The following DYNC2H1 variants were observed in gnomAD, a reference collection of about 807,000 sequenced individuals.
The protein encoded by DYNC2H1 is dynein cytoplasmic 2 heavy chain 1.
Under a neutral mutation model 570.0 loss-of-function variants are expected in DYNC2H1, and 410 were observed. That is an observed-to-expected ratio of 0.72 (90% CI 0.66 to 0.78). DYNC2H1 has a LOEUF of 0.78. Among genes scored for constraint, DYNC2H1 ranks in the 30% least tolerant of loss-of-function variants. The pLI is 0.00. For missense variants in DYNC2H1, 4,865 were observed against 5,046.4 expected, an observed-to-expected ratio of 0.96 and a Z score of 1.09; for synonymous variants, 1,688 against 1,677.6, an observed-to-expected ratio of 1.01 and a Z score of -0.15.
chr11:103,159,611 G>A (rs1227995547), intron 28 of DYNC2H1, among the ~76,000 whole-genome samples: 1 of 151,994 alleles, frequency 6.6e-6, no homozygotes, highest in African/African-American at 2.4e-5. Context: ...ACTTTAATGG[G>A]ATACTTATTA....
chr11:103,365,882 G>A (rs939458896), intron 83 of DYNC2H1, among the ~76,000 whole-genome samples: 2 of 152,220 alleles, frequency 1.3e-5, no homozygotes, highest in African/African-American at 2.4e-5. Flanking sequence ...TCATGAACTA[G>A]TTCGATCATC....
In DYNC2H1 at chr11:103,395,206, A is replaced by G. The variant is rs568884505; in HGVS notation, c.12157-4457A>G. ...GCAAGTAATTGGAAAACTCAGCTCA[A>G]ACTGACTTATGTGAAAAATGGAAAT... On this transcript the variant is annotated intron_variant, in intron 83 of 88. Coordinates refer to ENST00000375735, the MANE Select transcript of DYNC2H1 (RefSeq NM_001377.3). This position sits in a 1 kb window ranked among gnomAD's most constrained non-coding sequence, Gnocchi z 4.3. Among the ~76,000 whole-genome samples, 2 of 152,258 alleles carry G rather than the reference A, an allele frequency of 1.3e-5. No homozygotes were observed. Among genetic ancestry groups the G allele is most frequent in the South Asian group, 2.1e-4 (1 of 4,826 alleles).
intron 13 of DYNC2H1, among the ~76,000 whole-genome samples, chr11:103,131,733 G>A (rs1262952678): frequency 6.6e-6 from 1 of 151,188 alleles, no homozygotes. Context: ...TTTTTTTTTA[G>A]CACTTTAAAC....
At position 103,455,180 on chromosome 11, in the gene DYNC2H1, C is replaced by G. The variant is rs11225812; in HGVS notation, c.12457-6C>G. The G allele has an allele frequency of 9.9e-6, 16 of 1,609,344 alleles. No homozygotes were observed. The highest frequency in any genetic ancestry group is 1.2e-5 in the Non-Finnish European group (14 of 1,176,152). On this transcript the variant is annotated splice_polypyrimidine_tract_variant and splice_region_variant and intron_variant, in intron 85 of 88. Coordinates refer to ENST00000375735, the MANE Select transcript of DYNC2H1 (RefSeq NM_001377.3). ...TATTTATATGTTCATATTTCCCCCCCTCTAGAACTGGGTAGATAAAGCTGA... is the reference window on the plus strand; with the variant it reads ...TATTTATATGTTCATATTTCCCCCCGTCTAGAACTGGGTAGATAAAGCTGA...
chr11:103,197,193 A>G (rs941515742), intron 47 of DYNC2H1, among the ~76,000 whole-genome samples: 2 of 151,734 alleles, frequency 1.3e-5, no homozygotes, highest in South Asian at 2.1e-4. Context: ...TTTCTCAAGG[A>G]GAGTTTTGAG....
Position 103,211,963 on chromosome 11 carries a change from G to T in DYNC2H1, c.8694+20G>T, listed in dbSNP as rs1304336151. On this transcript the variant is annotated intron_variant, in intron 54 of 88. Coordinates refer to ENST00000375735, the MANE Select transcript of DYNC2H1 (RefSeq NM_001377.3). ...TTGCAGGTATAGTATTGGTAATCTTGAATTATTTTATCTATATATAGGAAA... is the reference window on the plus strand; with the variant it reads ...TTGCAGGTATAGTATTGGTAATCTTTAATTATTTTATCTATATATAGGAAA... 14 of 1,491,516 alleles carry T rather than the reference G, an allele frequency of 9.4e-6. No individual in the cohort carries two copies. The highest frequency in any genetic ancestry group is 1.4e-5 in the South Asian group (1 of 72,174). 92.4% of individuals were successfully genotyped at this position (1,491,516 alleles called of 1,614,324 possible).
chr11:103,119,161 A>G (rs1317265897), intron 6 of DYNC2H1, among the ~76,000 whole-genome samples: 1 of 152,186 alleles, frequency 6.6e-6, no homozygotes, highest in East Asian at 1.9e-4. Flanking sequence ...AGTAAGTTCC[A>G]TTGGCAACCA....
At chr11:103,470,489 G>A (rs1208836777) in intron 88 of DYNC2H1, among the ~76,000 whole-genome samples, 1 of 152,164 alleles carries the variant, frequency 6.6e-6, no homozygotes, top group Non-Finnish European at 1.5e-5. Flanking sequence ...TGTTACGTAT[G>A]TATACATGTG....
intron 87 of DYNC2H1, among the ~76,000 whole-genome samples, chr11:103,466,051 A>G (rs1011659488): frequency 1.9e-4 from 29 of 152,132 alleles, no homozygotes; most frequent in Admixed American, 6.5e-5. Context: ...TTATTAAGCA[A>G]TGGCAGTTGA....
At chr11:103,273,612 T>C (rs1208594512) in intron 70 of DYNC2H1, among the ~76,000 whole-genome samples, 1 of 152,232 alleles carries the variant, frequency 6.6e-6, no homozygotes, top group Non-Finnish European at 1.5e-5. Context: ...CTTGAATCAT[T>C]ATTGTTCTGC....
At chr11:103,350,688 G>T (rs1940004942) in intron 82 of DYNC2H1, among the ~76,000 whole-genome samples, 1 of 152,102 alleles carries the variant, frequency 6.6e-6, no homozygotes, top group African/African-American at 2.4e-5. Context: ...TCAATTTCTG[G>T]TGAGGCTGCT....
intron 70 of DYNC2H1, among the ~76,000 whole-genome samples, chr11:103,272,885 A>G (rs1349890034): frequency 6.6e-6 from 1 of 152,122 alleles, no homozygotes; most frequent in Non-Finnish European, 1.5e-5. Context: ...TTAGAGAGTT[A>G]TTCACTTGAG....
At chr11:103,197,181 C>A (rs1862536381) in intron 47 of DYNC2H1, among the ~76,000 whole-genome samples, 1 of 151,354 alleles carries the variant, frequency 6.6e-6, no homozygotes, top group South Asian at 2.1e-4. Context: ...ACATCTATGT[C>A]CTTTCTCAAG....
In DYNC2H1 at chr11:103,369,433, G is replaced by C. The variant is rs1941053572; in HGVS notation, c.12156+11074G>C. On this transcript the variant is annotated intron_variant, in intron 83 of 88. Transcript: ENST00000375735. The surrounding 1 kb of genome is among the most constrained non-coding windows in gnomAD (Gnocchi z 4.0). ...GAGTAATGCTGCTGAACTAGGCCCA[G>C]AGACAGTGAACTGGAAGGGACACGT... Among the ~76,000 whole-genome samples, 1 of 152,146 alleles carries C rather than the reference G, an allele frequency of 6.6e-6. No individual in the cohort carries two copies. Among genetic ancestry groups the C allele is most frequent in the South Asian group, 2.1e-4 (1 of 4,820 alleles).
chr11:103,187,605 A>C lies in DYNC2H1; in HGVS notation c.7140+19A>C, dbSNP rs761658806. ...ACAACAGGTAAGTCATATTGCTTGAAGTGTTTTAATCTAATTGGAAACAAT... is the reference window on the plus strand; with the variant it reads ...ACAACAGGTAAGTCATATTGCTTGACGTGTTTTAATCTAATTGGAAACAAT... On this transcript the variant is annotated intron_variant, in intron 43 of 88. Transcript: ENST00000375735. 8.1e-6 allele frequency: 13 copies of C among 1,608,832 alleles called. No homozygotes were observed. Among genetic ancestry groups the C allele is most frequent in the Middle Eastern group, 1.7e-4 (1 of 5,930 alleles).
At chr11:103,315,254 T>C (rs1042741017) in intron 79 of DYNC2H1, among the ~76,000 whole-genome samples, 3 of 152,092 alleles carry the variant, frequency 2.0e-5, no homozygotes, top group African/African-American at 7.2e-5. Context: ...AGCACTAGAA[T>C]TTAAGCTTCC....
chr11:103,197,434 C>G (rs1269173920), intron 47 of DYNC2H1, among the ~76,000 whole-genome samples: 2 of 151,792 alleles, frequency 1.3e-5, no homozygotes, highest in East Asian at 3.9e-4. Context: ...AATTGAAGGT[C>G]TTTGTATTTC....
intron 17 of DYNC2H1, among the ~76,000 whole-genome samples, chr11:103,140,649 A>G (rs1387656749): frequency 6.6e-6 from 1 of 151,528 alleles, no homozygotes; most frequent in African/African-American, 2.4e-5. Context: ...TTTTTCCTTC[A>G]TTTCAACTTT....
rs1860529268 is a variant in DYNC2H1 at position 103,151,355 on chromosome 11, G to C, written c.2947-781G>C. Among the ~76,000 whole-genome samples, 1 of 152,134 alleles carries C rather than the reference G, an allele frequency of 6.6e-6. No homozygotes were observed. Among genetic ancestry groups the C allele is most frequent in the Admixed American group, 6.6e-5 (1 of 15,266 alleles). On this transcript the variant is annotated intron_variant, in intron 20 of 88. Transcript: ENST00000375735. This position sits in a 1 kb window ranked among gnomAD's most constrained non-coding sequence, Gnocchi z 4.6. The stretch of plus-strand genomic sequence containing the variant: ...TCGCCTCGGCCTCCCAAAGTGCTAG[G>C]ATTACAGGTGTGAGCTGCCAGGCCT...
Sources: gnomAD v4.1 joint callset for allele counts (sites outside exome capture counted in the v4.1 genomes callset) on GRCh38, gnomAD v4.1.1 for gene constraint, Gnocchi (gnomAD v3.1) non-coding constraint, MANE v1.5 for transcripts, NCBI Gene and HGNC (gene_info 2026-07-23, HGNC 2026-07-21) for gene names.